The following GABRB3 variants were observed in gnomAD, a reference collection of about 807,000 sequenced individuals.
GABRB3 encodes the protein gamma-aminobutyric acid receptor subunit beta-3.
GABRB3 carries 14 observed loss-of-function variants against 52.1 expected under a neutral mutation model. The ratio of observed to expected loss-of-function variants is 0.27; its 90% CI spans 0.18 to 0.42. The LOEUF (loss-of-function observed/expected upper bound fraction) is 0.42, where lower values mean the gene tolerates loss of function less well. Ranked by LOEUF, GABRB3 falls within the 10% of genes least tolerant of loss-of-function variation. GABRB3 has a pLI of 1.00. For synonymous variants in GABRB3, 260 were observed against 232.3 expected, an observed-to-expected ratio of 1.12 and a Z score of -1.08; for missense variants, 307 against 609.1, an observed-to-expected ratio of 0.50 and a Z score of 5.22.
chr15:26,766,780 T>C (rs771319294), intron 3 of GABRB3, among the ~76,000 whole-genome samples: 2 of 151,490 alleles, frequency 1.3e-5, no homozygotes, highest in Non-Finnish European at 2.9e-5. Context: ...AATAAGCAGA[T>C]TTGCCCCATC....
intron 5 of GABRB3, among the ~76,000 whole-genome samples, chr15:26,581,798 T>C (rs1309821765): frequency 2.0e-5 from 3 of 152,262 alleles, no homozygotes; most frequent in Non-Finnish European, 4.4e-5. Flanking sequence ...AATCACTCAC[T>C]ATGCTTTTAT....
At chr15:26,610,277 G>C (rs930042930) in intron 4 of GABRB3, among the ~76,000 whole-genome samples, 5 of 152,192 alleles carry the variant, frequency 3.3e-5, no homozygotes, top group Non-Finnish European at 7.3e-5. Flanking sequence ...GGATGGATTT[G>C]AGACTGATCT....
chr15:26,593,981 A>ATAT (rs1891300685), intron 4 of GABRB3, among the ~76,000 whole-genome samples: 1 of 133,972 alleles, frequency 7.5e-6, no homozygotes, highest in South Asian at 2.8e-4. Context: ...CTCATTTTAA[A>ATAT]ATATATATAT....
At chr15:26,738,121 C>T (rs778013868) in intron 3 of GABRB3, among the ~76,000 whole-genome samples, 5 of 151,928 alleles carry the variant, frequency 3.3e-5, no homozygotes, top group Non-Finnish European at 7.4e-5. Flanking sequence ...ATGGAGTTGT[C>T]GCCTGGGCTG....
rs769239044 is a variant in GABRB3, at chr15:26,621,349, A to C, written c.426T>G (p.Arg142=). 6.2e-7 allele frequency: 1 copy of C among 1,613,984 alleles called. No individual in the cohort carries two copies. Among genetic ancestry groups the C allele is most frequent in the Non-Finnish European group, 8.5e-7 (1 of 1,180,026 alleles). Residue 142 remains arginine, a synonymous_variant, in exon 4 of 9, where the codon CGT becomes CGG. Transcript: ENST00000311550. This position sits in a 1 kb window ranked among gnomAD's most constrained non-coding sequence, Gnocchi z 4.1. ...ACAGCACTGTCCCATCAGGGTGAAG[A>C]CGGATCATGCGGTTTTTCACTGTCA... is the stretch of plus-strand genomic sequence containing the variant. The part of the protein sequence containing the change: ...HGVTVKNRMI[R]LHPDGTVLYG...
At chr15:26,590,975 C>T (rs1471863409) in intron 4 of GABRB3, among the ~76,000 whole-genome samples, 1 of 152,206 alleles carries the variant, frequency 6.6e-6, no homozygotes, top group Non-Finnish European at 1.5e-5. Flanking sequence ...TTTTCTGCTT[C>T]TTCCTCTGCT....
At chr15:26,747,669 G>A (rs1057384645) in intron 3 of GABRB3, among the ~76,000 whole-genome samples, 1 of 152,120 alleles carries the variant, frequency 6.6e-6, no homozygotes, top group Non-Finnish European at 1.5e-5. Context: ...AGAGACTGTT[G>A]TATTTCTTCC....
At chr15:26,629,099 C>G in intron 3 of GABRB3, 1 of 1,535,664 alleles carries the variant, frequency 6.5e-7, no homozygotes, top group African/African-American at 1.4e-5. Flanking sequence ...CTGTCGCTTC[C>G]TCTCCATCTC....
At chr15:26,659,325 A>C (rs1354130702) in intron 3 of GABRB3, among the ~76,000 whole-genome samples, 1 of 152,110 alleles carries the variant, frequency 6.6e-6, no homozygotes, top group Admixed American at 6.5e-5. Context: ...GAGTTCAAGA[A>C]CAGCCTTGCC....
At position 26,545,449 on chromosome 15, in the gene GABRB3, A is replaced by C. The variant is rs528203169; in HGVS notation, c.*2344T>G. The stretch of plus-strand genomic sequence containing the variant: ...TGGGTACCTCAACTATGCATCAAAA[A>C]AGTTTTAAATCACTTTTCTCCCAGA... On this transcript the variant is annotated 3_prime_UTR_variant, in exon 9 of 9. Transcript: ENST00000311550. 2.0e-5 allele frequency: 3 copies of C among 152,742 alleles called. No individual in the cohort carries two copies. The highest frequency in any genetic ancestry group is 2.0e-4 in the Admixed American group (3 of 15,308). The allele number at this position is 152,742 out of a possible 1,614,324, so 9.5% of individuals were successfully genotyped here. A position where few individuals can be genotyped will look rare whatever the true frequency, so the allele number is the denominator to read the frequency against.
chr15:26,645,906 G>T (rs1258064455), intron 3 of GABRB3, among the ~76,000 whole-genome samples: 4 of 151,778 alleles, frequency 2.6e-5, no homozygotes, highest in Non-Finnish European at 1.5e-5. Context: ...TAGACCGCCT[G>T]ATGGAGTCTC....
intron 3 of GABRB3, among the ~76,000 whole-genome samples, chr15:26,685,958 C>T (rs1264288542): frequency 6.6e-6 from 1 of 152,134 alleles, no homozygotes; most frequent in Non-Finnish European, 1.5e-5. Context: ...GTGTTCACCA[C>T]CATGCCCAGC....
intron 3 of GABRB3, among the ~76,000 whole-genome samples, chr15:26,727,193 T>C (rs753852956): frequency 1.3e-5 from 2 of 152,142 alleles, no homozygotes; most frequent in African/African-American, 2.4e-5. Context: ...AGTTTTAGCA[T>C]GTACTAATGA....
chr15:26,772,848 C>A, intron 1 of GABRB3, 35 bp downstream of exon 1: 2 of 1,453,674 alleles, frequency 1.4e-6, no homozygotes, highest in East Asian at 6.1e-5. Context: ...ACCCCGCGCC[C>A]TGCCCGCCGC....
chr15:26,739,839 A>T (rs899323729), intron 3 of GABRB3, among the ~76,000 whole-genome samples: 1 of 152,186 alleles, frequency 6.6e-6, no homozygotes, highest in Admixed American at 6.5e-5. Flanking sequence ...ATGCTAGGAA[A>T]AGAATTTATA....
intron 4 of GABRB3, among the ~76,000 whole-genome samples, chr15:26,599,229 T>C (rs984811457): frequency 2.0e-5 from 3 of 152,166 alleles, no homozygotes; most frequent in African/African-American, 7.2e-5. Context: ...CCCCACCTGG[T>C]AAGGAAACTT....
chr15:26,693,610 A>C (rs893461946), intron 3 of GABRB3, among the ~76,000 whole-genome samples: 1 of 152,226 alleles, frequency 6.6e-6, no homozygotes, highest in Non-Finnish European at 1.5e-5. Flanking sequence ...AACAAGAAAA[A>C]AAAGCTGAAC....
intron 3 of GABRB3, among the ~76,000 whole-genome samples, chr15:26,720,989 T>C (rs1160139514): frequency 3.3e-5 from 5 of 151,766 alleles, no homozygotes; most frequent in Admixed American, 6.6e-5. Flanking sequence ...GTGTAGGGGG[T>C]AGACCGCCCC....
intron 3 of GABRB3, among the ~76,000 whole-genome samples, chr15:26,729,614 G>A (rs1889857297): frequency 6.6e-6 from 1 of 152,124 alleles, no homozygotes. Context: ...TGTGGAGGGT[G>A]GGGAACAAAA....
Sources: allele counts gnomAD v4.1 joint callset (sites outside exome capture counted in the v4.1 genomes callset), GRCh38; gene constraint gnomAD v4.1.1; non-coding constraint Gnocchi (gnomAD v3.1); transcripts MANE v1.5; gene names NCBI Gene and HGNC (gene_info 2026-07-23, HGNC 2026-07-21).